KLC1: variants seen among roughly 807,000 people sequenced by gnomAD.
KLC1 encodes kinesin light chain 1.
In KLC1, 30 loss-of-function variants were observed where a neutral mutation model predicts 84.2. That is an observed-to-expected ratio of 0.36 (90% CI 0.27 to 0.48). The LOEUF is 0.48. KLC1 is among the 20% of genes least tolerant of loss of function. The probability of loss-of-function intolerance (pLI) is 0.99; values close to 1 mark genes in which losing one functional copy is unlikely to be tolerated. For synonymous variants in KLC1, 289 were observed against 293.3 expected (o/e 0.99, Z 0.15); for missense variants, 499 against 805.4 (o/e 0.62, Z 4.60).
At chr14:103,696,566 G>T (rs2082539899) in intron 15 of KLC1, 1 of 985,480 alleles carries the variant, frequency 1.0e-6, no homozygotes, top group Non-Finnish European at 1.2e-6. Context: ...CTTGTGAGCT[G>T]TGTGTACGCT....
In KLC1 at chr14:103,694,023, A is replaced by G; in HGVS notation, c.1848+1598A>G. The stretch of plus-strand genomic sequence containing the variant: ...GGCTGTAAATTAAGAATCTGGAAAC[A>G]TAAAGTACCCCTTTCAGAACGATAG... On this transcript the variant is annotated intron_variant, in intron 15 of 16. Transcript: ENST00000334553. This position sits in a 1 kb window ranked among gnomAD's most constrained non-coding sequence, Gnocchi z 4.5. The G allele has an allele frequency of 9.8e-7, 1 of 1,018,914 alleles. No homozygotes were observed. The highest frequency in any genetic ancestry group is 1.2e-6 in the Non-Finnish European group (1 of 851,034). 63.1% of individuals were successfully genotyped at this position (1,018,914 alleles called of 1,614,324 possible).
chr14:103,651,282 A>T (rs1390746666), intron 1 of KLC1, among the ~76,000 whole-genome samples: 3 of 152,194 alleles, frequency 2.0e-5, no homozygotes, highest in Admixed American at 2.0e-4. Context: ...TGCTAGGATT[A>T]CAGGCGTCGG....
At chr14:103,654,898 G>T in intron 2 of KLC1, 73 bp downstream of exon 2, 1 of 1,482,178 alleles carries the variant, frequency 6.7e-7, no homozygotes, top group Middle Eastern at 1.8e-4. Context: ...GAAATAAGCA[G>T]TTTCACTAAA....
intron 12 of KLC1, among the ~76,000 whole-genome samples, chr14:103,677,844 G>A (rs1434918668): frequency 1.3e-5 from 2 of 151,932 alleles, no homozygotes; most frequent in African/African-American, 4.8e-5. Context: ...CTGTAATCCT[G>A]TAATCCCAGC....
intron 6 of KLC1, 95 bp downstream of exon 6, chr14:103,669,693 A>G (rs1002231393): frequency 6.9e-6 from 6 of 869,316 alleles, no homozygotes; most frequent in East Asian, 5.1e-5. Flanking sequence ...CAACAGGGAA[A>G]GTTTAAGTGC....
chr14:103,694,224 C>T lies in KLC1; in HGVS notation c.1848+1799C>T, dbSNP rs1409685634. ...GTGTTCTCCCGGACGCCCCTGCACA[C>T]GAAGCCCATAGAGACGTGTGTTTCA... On this transcript the variant is annotated intron_variant, in intron 15 of 16. Transcript: ENST00000334553. The surrounding 1 kb of genome is among the most constrained non-coding windows in gnomAD (Gnocchi z 4.5). 4.1e-6 allele frequency: 4 copies of T among 984,176 alleles called. No homozygotes were observed. The highest frequency in any genetic ancestry group is 4.7e-5 in the South Asian group (1 of 21,242). The allele number at this position is 984,176 out of a possible 1,614,324, so 61.0% of individuals were successfully genotyped here.
chr14:103,674,949 C>T (rs1221582961), intron 9 of KLC1, among the ~76,000 whole-genome samples: 3 of 152,100 alleles, frequency 2.0e-5, no homozygotes, highest in African/African-American at 7.2e-5. Flanking sequence ...GCTTGGTGTC[C>T]AGCTCTGTCG....
At chr14:103,650,917 A>G (rs756854441) in intron 1 of KLC1, among the ~76,000 whole-genome samples, 5 of 151,976 alleles carry the variant, frequency 3.3e-5, no homozygotes, top group Non-Finnish European at 7.4e-5. Context: ...GAGGAGCTGC[A>G]AGATAGTTTT....
intron 15 of KLC1, chr14:103,699,499 G>C (rs932045336): frequency 1.2e-6 from 2 of 1,612,886 alleles, no homozygotes; most frequent in African/African-American, 2.7e-5. Context: ...CTGCCACCGA[G>C]TCGATGACCA....
chr14:103,667,540 T>A (rs2079973582), intron 5 of KLC1, among the ~76,000 whole-genome samples: 2 of 152,108 alleles, frequency 1.3e-5, no homozygotes, highest in African/African-American at 2.4e-5. Context: ...TTCACTGTGT[T>A]GCCCAGGCTT....
chr14:103,699,196 C>A, intron 15 of KLC1: 1 of 1,556,234 alleles, frequency 6.4e-7, no homozygotes. Context: ...GAGCACAGTC[C>A]AGGTCAGCTG....
In KLC1 at chr14:103,698,934, C is replaced by T. The variant is rs28903081; in HGVS notation, c.1849-1721C>T. 765 of 1,600,194 alleles carry T rather than the reference C, an allele frequency of 4.8e-4. 2 individuals carry two copies. Among genetic ancestry groups the T allele is most frequent in the African/African-American group, 4.5e-3 (335 of 74,764 alleles). On this transcript the variant is annotated intron_variant, in intron 15 of 16. Coordinates refer to ENST00000334553, the MANE Select transcript of KLC1 (RefSeq NM_001394837.1). Reference sequence around the variant, plus strand: ...GCAGCCGAGGGCAGCCTCTTCCTCGCGGAGCCGGTCAGCCAGCAGTCTCAC... The same window carrying T: ...GCAGCCGAGGGCAGCCTCTTCCTCGTGGAGCCGGTCAGCCAGCAGTCTCAC...
chr14:103,695,158 TTATA>T (rs145644634), intron 15 of KLC1: 1 of 867,862 alleles, frequency 1.2e-6, no homozygotes, highest in Non-Finnish European at 1.4e-6. Flanking sequence ...AAATGTTAAA[TTATA>T]TATATATATA....
At chr14:103,660,836 T>C (rs991475376) in intron 3 of KLC1, among the ~76,000 whole-genome samples, 7 of 151,524 alleles carry the variant, frequency 4.6e-5, no homozygotes, top group African/African-American at 1.7e-4. Flanking sequence ...AAATAAAAGA[T>C]GCTTGCTCTA....
At chr14:103,671,766 GAAAAT>G (rs1366759521) in intron 7 of KLC1, among the ~76,000 whole-genome samples, 2 of 152,134 alleles carry the variant, frequency 1.3e-5, no homozygotes, top group Non-Finnish European at 2.9e-5. Context: ...TTGGGGGAGA[GAAAAT>G]AAAAAGGGGC....
At chr14:103,630,711 A>G (rs1405273041) in intron 1 of KLC1, among the ~76,000 whole-genome samples, 7 of 152,214 alleles carry the variant, frequency 4.6e-5, no homozygotes, top group East Asian at 1.9e-4. Flanking sequence ...AATTTGACCT[A>G]TTGCTCTGTT....
intron 3 of KLC1, among the ~76,000 whole-genome samples, chr14:103,658,761 G>A (rs1412395424): frequency 6.7e-5 from 10 of 148,856 alleles, no homozygotes; most frequent in African/African-American, 1.2e-4. Context: ...GGGCTCCAGC[G>A]ATTCTCCTGC....
At chr14:103,678,220 A>AC (rs1410620680) in intron 12 of KLC1, among the ~76,000 whole-genome samples, 1 of 152,170 alleles carries the variant, frequency 6.6e-6, no homozygotes, top group African/African-American at 2.4e-5. Context: ...CCGAGATTGC[A>AC]CTACTGCACT....
Position 103,662,838 on chromosome 14 carries a change from C to T in KLC1, c.708C>T (p.Cys236=), listed in dbSNP as rs1432403116. 1.2e-6 allele frequency: 2 copies of T among 1,613,552 alleles called. No individual in the cohort carries two copies. Among genetic ancestry groups the T allele is most frequent in the Admixed American group, 3.3e-5 (2 of 59,942 alleles). The change falls in exon 5 of 17, where the codon TGC becomes TGT. Residue 236 remains cysteine, a synonymous_variant. Transcript: ENST00000334553. ...QGRYEVAVPL[C]KQALEDLEKT... ...GCTACGAGGTAGCTGTGCCCCTCTG[C>T]AAGCAGGCCCTGGAGGACCTGGAGA... is the stretch of plus-strand genomic sequence containing the variant.
Sources: gnomAD v4.1 joint callset for allele counts (sites outside exome capture counted in the v4.1 genomes callset) on GRCh38, gnomAD v4.1.1 for gene constraint, Gnocchi (gnomAD v3.1) non-coding constraint, MANE v1.5 for transcripts, NCBI Gene and HGNC (gene_info 2026-07-23, HGNC 2026-07-21) for gene names.